Variants in RIPOR2 observed in about 807,000 individuals in gnomAD.
RIPOR2 encodes RHO family interacting cell polarization regulator 2, also known as rho family-interacting cell polarization regulator 2.
Under a neutral mutation model 114.5 loss-of-function variants are expected in RIPOR2, and 39 were observed. That is an observed-to-expected ratio of 0.34 (90% CI 0.26 to 0.44). The LOEUF is 0.44. Among genes scored for constraint, RIPOR2 ranks in the 20% least tolerant of loss-of-function variants. The probability of loss-of-function intolerance (pLI) is 1.00; values close to 1 mark genes in which losing one functional copy is unlikely to be tolerated. For synonymous variants in RIPOR2, 445 were observed against 484.4 expected, an observed-to-expected ratio of 0.92 and a Z score of 1.07; for missense variants, 1,007 against 1,255.1, an observed-to-expected ratio of 0.80 and a Z score of 2.99.
intron 1 of RIPOR2, among the ~76,000 whole-genome samples, chr6:25,012,595 C>G (rs1775817961): frequency 6.6e-6 from 1 of 152,188 alleles, no homozygotes; most frequent in Non-Finnish European, 1.5e-5. Flanking sequence ...GCTTTAAAAA[C>G]ATTATGCTAA....
chr6:24,886,466 T>A (rs1378016283), intron 1 of RIPOR2, among the ~76,000 whole-genome samples: 4 of 152,208 alleles, frequency 2.6e-5, no homozygotes, highest in Non-Finnish European at 5.9e-5. Flanking sequence ...CAAACCAGGA[T>A]CAGATGCTCC....
intron 1 of RIPOR2, among the ~76,000 whole-genome samples, chr6:24,900,863 T>A (rs1159043337): frequency 6.6e-6 from 1 of 152,202 alleles, no homozygotes; most frequent in African/African-American, 2.4e-5. Context: ...TTGTGGTAGT[T>A]GTTGTTTTAA....
intron 1 of RIPOR2, among the ~76,000 whole-genome samples, chr6:24,974,148 C>G (rs1773922329): frequency 6.6e-6 from 1 of 152,096 alleles, no homozygotes; most frequent in African/African-American, 2.4e-5. Context: ...CTTTGGGAGG[C>G]AGAGGTGGGA....
intron 1 of RIPOR2, chr6:24,898,514 T>G (rs1485291685): frequency 1.3e-5 from 2 of 152,220 alleles, no homozygotes; most frequent in Non-Finnish European, 2.9e-5. Context: ...GAGATCTTCC[T>G]TTTTCTCTTT....
chr6:25,042,151 G>A (rs1304963808), upstream of RIPOR2: 3 of 459,014 alleles, frequency 6.5e-6, no homozygotes, highest in Non-Finnish European at 1.2e-5. Context: ...CGACTGGCCC[G>A]AAGGCAGCTG....
intron 1 of RIPOR2, among the ~76,000 whole-genome samples, chr6:24,926,074 TAAAAA>T (rs1159639199): frequency 3.9e-5 from 6 of 152,254 alleles, no homozygotes; most frequent in African/African-American, 1.4e-4. Flanking sequence ...AGGCTTCATT[TAAAAA>T]TCTTAATTGC....
At chr6:24,889,282 G>GGAAGATACAAATTATTATTCACAGCC (rs1234232199) in intron 1 of RIPOR2, among the ~76,000 whole-genome samples, 2 of 152,046 alleles carry the variant, frequency 1.3e-5, no homozygotes, top group Non-Finnish European at 2.9e-5. Flanking sequence ...AATTTATGTG[G>GGAAGATACAAATTATTATTCACAGCC]GAAGATACAA....
chr6:24,862,383 G>C (rs1392253660), intron 7 of RIPOR2, among the ~76,000 whole-genome samples: 3 of 152,236 alleles, frequency 2.0e-5, no homozygotes, highest in Non-Finnish European at 2.9e-5. Flanking sequence ...AGCTTGATTA[G>C]TGCAGGCTGG....
At chr6:24,947,190 C>T (rs746974111) in intron 1 of RIPOR2, among the ~76,000 whole-genome samples, 8 of 152,110 alleles carry the variant, frequency 5.3e-5, no homozygotes, top group African/African-American at 1.2e-4. Flanking sequence ...CCCGCAAATT[C>T]GGCTCTGGGT....
intron 1 of RIPOR2, among the ~76,000 whole-genome samples, chr6:24,990,037 T>A (rs531921115): frequency 0.015 from 2,294 of 150,572 alleles, 56 homozygotes; most frequent in African/African-American, 0.05. Context: ...AAAATAAAAA[T>A]AAAAAAAAAT....
At chr6:24,990,285 A>G (rs1272760713) in intron 1 of RIPOR2, among the ~76,000 whole-genome samples, 2 of 152,270 alleles carry the variant, frequency 1.3e-5, no homozygotes, top group Non-Finnish European at 2.9e-5. Context: ...ACAAGACCAA[A>G]TCAACTTTAA....
chr6:24,804,632 G>A lies in RIPOR2; in HGVS notation c.*1741C>T, dbSNP rs1803005. On this transcript the variant is annotated 3_prime_UTR_variant, in exon 22 of 22. Transcript: ENST00000643898. ...TTTATAAATATACAGATATGTACACGATAAGTTCACAGTTGAAAGAACCAT... is the reference window on the plus strand; with the variant it reads ...TTTATAAATATACAGATATGTACACAATAAGTTCACAGTTGAAAGAACCAT... 1.3e-5 allele frequency: 2 copies of A among 152,078 alleles called. No individual in the cohort carries two copies. Among genetic ancestry groups the A allele is most frequent in the Middle Eastern group, 3.4e-3 (1 of 292 alleles). The allele number at this position is 152,078 out of a possible 1,614,324, so 9.4% of individuals were successfully genotyped here.
chr6:24,946,471 G>T (rs1772413842), intron 1 of RIPOR2, among the ~76,000 whole-genome samples: 1 of 152,102 alleles, frequency 6.6e-6, no homozygotes, highest in South Asian at 2.1e-4. Context: ...TACTCAGGAG[G>T]CTGAGTCAGG....
chr6:25,027,096 A>T (rs1776660690), intron 1 of RIPOR2, among the ~76,000 whole-genome samples: 1 of 152,280 alleles, frequency 6.6e-6, no homozygotes, highest in Non-Finnish European at 1.5e-5. Flanking sequence ...ATTAAAACAA[A>T]AAAGCAAGCT....
chr6:24,919,251 A>C (rs1256541377), intron 1 of RIPOR2, among the ~76,000 whole-genome samples: 5 of 152,222 alleles, frequency 3.3e-5, no homozygotes, highest in African/African-American at 1.2e-4. Context: ...CAGGCTAGCA[A>C]GACTGCTGTA....
chr6:24,979,283 CTTT>C (rs60372040), intron 1 of RIPOR2, among the ~76,000 whole-genome samples: 2,233 of 99,398 alleles, frequency 0.022, 55 homozygotes, highest in Admixed American at 0.1. Context: ...TAGGGAAATT[CTTT>C]TTTTTTTTTT....
At chr6:24,894,218 C>T (rs1767635371) in intron 1 of RIPOR2, among the ~76,000 whole-genome samples, 1 of 152,208 alleles carries the variant, frequency 6.6e-6, no homozygotes, top group Admixed American at 6.5e-5. Flanking sequence ...TTCATGTTTG[C>T]AGACTGCACT....
intron 7 of RIPOR2, among the ~76,000 whole-genome samples, chr6:24,864,465 GTCATCCAAGCTGTCCTTCT>G (rs1376813671): frequency 6.6e-6 from 1 of 152,214 alleles, no homozygotes. Flanking sequence ...CCTACTGACA[GTCATCCAAGCTGTCCTTCT>G]GATCCCAGGG....
chr6:24,822,512 TTTTA>T (rs746079953), intron 19 of RIPOR2, among the ~76,000 whole-genome samples: 2 of 151,980 alleles, frequency 1.3e-5, no homozygotes, highest in African/African-American at 2.4e-5. Context: ...ATTTATTTAT[TTTTA>T]TTTATTTATT....
Sources: allele counts gnomAD v4.1 joint callset (sites outside exome capture counted in the v4.1 genomes callset), GRCh38; gene constraint gnomAD v4.1.1; transcripts MANE v1.5; gene names NCBI Gene and HGNC (gene_info 2026-07-23, HGNC 2026-07-21).